Variants in RBM19 observed in about 807,000 individuals in gnomAD.
The protein encoded by RBM19 is RNA binding motif protein 19.
Under a neutral mutation model 116.8 loss-of-function variants are expected in RBM19, and 94 were observed. That is an observed-to-expected ratio of 0.80 (90% confidence interval 0.68 to 0.95). The LOEUF (loss-of-function observed/expected upper bound fraction) is 0.95. RBM19 is among the 40% of genes least tolerant of loss of function. RBM19 has a pLI of 0.00. For synonymous variants in RBM19, 475 were observed against 494.1 expected (o/e 0.96, Z 0.51); for missense variants, 1,161 against 1,220.7 (o/e 0.95, Z 0.73).
intron 13 of RBM19, among the ~76,000 whole-genome samples, chr12:113,945,089 A>C (rs1870907002): frequency 6.6e-6 from 1 of 152,146 alleles, no homozygotes; most frequent in Non-Finnish European, 1.5e-5. Flanking sequence ...CTTCTAGCAA[A>C]ATCTCTTGTA....
chr12:113,928,211 C>G (rs1025450049), intron 16 of RBM19, among the ~76,000 whole-genome samples: 2 of 151,996 alleles, frequency 1.3e-5, no homozygotes, highest in Admixed American at 6.5e-5. Flanking sequence ...GTGGTGGGCA[C>G]CTATGATCCC....
intron 21 of RBM19, among the ~76,000 whole-genome samples, chr12:113,888,524 G>C (rs970495636): frequency 1.3e-5 from 2 of 152,106 alleles, no homozygotes; most frequent in African/African-American, 4.8e-5. Flanking sequence ...TCCGTATATT[G>C]TATATGATTT....
In RBM19 at chr12:113,939,961, T is replaced by C; in HGVS notation, c.1937A>G (p.Lys646Arg). 1.9e-6 allele frequency: 3 copies of C among 1,613,790 alleles called. No individual in the cohort carries two copies. Among genetic ancestry groups the C allele is most frequent in the African/African-American group, 1.3e-5 (1 of 75,040 alleles). Residue 646 changes from lysine (K) to arginine (R), a missense_variant and splice_region_variant, in exon 15 of 24, where the codon AAG becomes AGG. Lys to Arg is a conservative substitution (Grantham distance 26, BLOSUM62 2). Coordinates refer to ENST00000261741, the MANE Select transcript of RBM19 (RefSeq NM_016196.4). ...RKAFRHLAYS[K>R]FHHVPLYLEW... is the part of the protein sequence containing the mutation. ...ATTCTGGGTCTCCAGCAGCCCTACCTTGGAATAGGCCAGATGCCTGAAGGC... is the reference window on the plus strand; with the variant it reads ...ATTCTGGGTCTCCAGCAGCCCTACCCTGGAATAGGCCAGATGCCTGAAGGC...
chr12:113,911,771 A>T (rs1258132751), intron 21 of RBM19, among the ~76,000 whole-genome samples: 1 of 152,192 alleles, frequency 6.6e-6, no homozygotes, highest in Non-Finnish European at 1.5e-5. Context: ...GGCCCCCAGA[A>T]ACATGAGGCA....
rs1296239198 is a variant in RBM19 at position 113,952,530 on chromosome 12, C to T, written c.982G>A (p.Ala328Thr). 8.1e-6 allele frequency: 13 copies of T among 1,613,688 alleles called. No homozygotes were observed. Among genetic ancestry groups the T allele is most frequent in the East Asian group, 6.7e-5 (3 of 44,878 alleles). ...ATCTTACCTGTTTTATTCCCATGAGCGTTTCTCACAATTCGAATGGCCACT... is the reference window on the plus strand; with the variant it reads ...ATCTTACCTGTTTTATTCCCATGAGTGTTTCTCACAATTCGAATGGCCACT... ...KPVAIRIVRN[A>T]HGNKTGYIFV... The change falls in exon 8 of 24, where the codon GCT becomes ACT. Residue 328 changes from alanine (A) to threonine (T), a missense_variant. Ala to Thr is a moderately conservative substitution (Grantham distance 58). Transcript: ENST00000261741.
At chr12:113,870,921 C>G (rs193267138) in intron 21 of RBM19, among the ~76,000 whole-genome samples, 2 of 152,306 alleles carry the variant, frequency 1.3e-5, no homozygotes, top group Non-Finnish European at 2.9e-5. Context: ...CCAGACACAT[C>G]TACATGGTTT....
chr12:113,890,762 C>G (rs1217407882), intron 21 of RBM19, among the ~76,000 whole-genome samples: 2 of 152,222 alleles, frequency 1.3e-5, no homozygotes, highest in Non-Finnish European at 2.9e-5. Flanking sequence ...ATGCTGTGTG[C>G]TCCCCAATGC....
At chr12:113,923,421 C>T (rs965196379) in intron 18 of RBM19, among the ~76,000 whole-genome samples, 3 of 152,116 alleles carry the variant, frequency 2.0e-5, no homozygotes, top group Non-Finnish European at 4.4e-5. Context: ...TTTAAGCCAC[C>T]CAGTCTGTGG....
At chr12:113,940,819 A>G (rs921743573) in intron 14 of RBM19, among the ~76,000 whole-genome samples, 2 of 152,224 alleles carry the variant, frequency 1.3e-5, no homozygotes, top group Non-Finnish European at 2.9e-5. Flanking sequence ...AACCAAAACT[A>G]AAAGACTAAG....
At chr12:113,824,199 T>C (rs1023350328) in intron 23 of RBM19, among the ~76,000 whole-genome samples, 1 of 152,166 alleles carries the variant, frequency 6.6e-6, no homozygotes, top group African/African-American at 2.4e-5. Context: ...CTGCCTCTTG[T>C]AGGAGACGGA....
chr12:113,965,434 G>C (rs1038632299), intron 1 of RBM19, among the ~76,000 whole-genome samples: 3 of 152,130 alleles, frequency 2.0e-5, no homozygotes, highest in South Asian at 4.1e-4. Context: ...AGGAAGTGCA[G>C]CTACGCTAAA....
intron 21 of RBM19, among the ~76,000 whole-genome samples, chr12:113,865,387 C>T (rs1878725394): frequency 6.6e-6 from 1 of 152,192 alleles, no homozygotes; most frequent in Admixed American, 6.5e-5. Flanking sequence ...TTTGCACACC[C>T]ACCCCTGCCT....
intron 21 of RBM19, among the ~76,000 whole-genome samples, chr12:113,863,274 C>T (rs376811463): frequency 3.0e-4 from 46 of 151,822 alleles, no homozygotes; most frequent in African/African-American, 1.0e-3. Context: ...TTCCTCTCTC[C>T]GTGCAAATTG....
At chr12:113,861,769 G>T (rs1470920696) in intron 21 of RBM19, among the ~76,000 whole-genome samples, 2 of 152,116 alleles carry the variant, frequency 1.3e-5, no homozygotes, top group African/African-American at 4.8e-5. Flanking sequence ...TGGCATTTGA[G>T]AGTTCAGCAG....
rs202110346 is a variant in RBM19 at position 113,823,314 on chromosome 12, C to T, written c.2793G>A (p.Pro931=). ...RKTAAHFHEP[P]KKKRSVVLDE... is the part of the protein sequence containing the mutation. ...CCAACACCACAGACCGCTTTTTCTT[C>T]GGGGGCTCTGTGGGAGCCCAGATGG... Residue 931 remains proline (P), a synonymous_variant, in exon 24 of 24, where the codon CCG becomes CCA. Transcript: ENST00000261741. The T allele has an allele frequency of 4.1e-4, 664 of 1,612,878 alleles. No homozygotes were observed. Among genetic ancestry groups the T allele is most frequent in the Non-Finnish European group, 5.4e-4 (637 of 1,179,998 alleles).
At chr12:113,863,229 G>A (rs922897313) in intron 21 of RBM19, among the ~76,000 whole-genome samples, 9 of 151,702 alleles carry the variant, frequency 5.9e-5, no homozygotes, top group African/African-American at 2.2e-4. Flanking sequence ...GTGTGTGTGT[G>A]TGTGTGTGGG....
chr12:113,952,409 A>G (rs1369650293), intron 8 of RBM19, 103 bp downstream of exon 8: 7 of 1,058,404 alleles, frequency 6.6e-6, no homozygotes, highest in East Asian at 4.9e-5. Context: ...CACAAACAGG[A>G]AGAAAAACGG....
At chr12:113,853,245 AC>A (rs940560576) in intron 22 of RBM19, among the ~76,000 whole-genome samples, 4 of 152,112 alleles carry the variant, frequency 2.6e-5, no homozygotes, top group Admixed American at 2.0e-4. Context: ...AACTGGTGCG[AC>A]CCTACAATGA....
rs1376040038 is a variant in RBM19, at chr12:113,903,023, C to T, written c.2558+11946G>A. ...ATTTTAGAAGATTTTCATTACCTCA[C>T]ACAGAAGTCCTGTACCCTCTATCCA... On this transcript the variant is annotated intron_variant, in intron 21 of 23. Transcript: ENST00000261741. This position sits in a 1 kb window ranked among gnomAD's most constrained non-coding sequence, Gnocchi z 5.1. Among the ~76,000 whole-genome samples the T allele has an allele frequency of 2.0e-5, 3 of 152,176 alleles. No homozygotes were observed. The highest frequency in any genetic ancestry group is 1.3e-4 in the Admixed American group (2 of 15,276).
Sources: gnomAD v4.1 joint callset for allele counts (sites outside exome capture counted in the v4.1 genomes callset) on GRCh38, gnomAD v4.1.1 for gene constraint, Gnocchi (gnomAD v3.1) non-coding constraint, MANE v1.5 for transcripts, NCBI Gene and HGNC (gene_info 2026-07-23, HGNC 2026-07-21) for gene names.